Variants in CPLX4 observed in about 807,000 individuals in gnomAD.
CPLX4 encodes the protein complexin-4.
A neutral mutation model predicts 16.1 loss-of-function variants in CPLX4; 17 were observed. The observed-to-expected ratio is 1.06, with a 90% CI of 0.72 to 1.59. CPLX4 has a LOEUF of 1.59. CPLX4 is among the 40% of genes most tolerant of loss of function. The pLI, the probability that CPLX4 is intolerant of heterozygous loss-of-function variation, is 0.00. For missense variants in CPLX4, 193 were observed against 192.9 expected (o/e 1.00, Z 0.00); for synonymous variants, 55 against 57.8 (o/e 0.95, Z 0.22).
At chr18:59,314,353 T>C (rs897790269) in intron 1 of CPLX4, among the ~76,000 whole-genome samples, 1 of 152,232 alleles carries the variant, frequency 6.6e-6, no homozygotes, top group Non-Finnish European at 1.5e-5. Context: ...ACTGTACTTT[T>C]TTTTTTATCA....
intron 2 of CPLX4, among the ~76,000 whole-genome samples, chr18:59,303,731 A>C (rs759367439): frequency 6.6e-6 from 1 of 152,202 alleles, no homozygotes; most frequent in African/African-American, 2.4e-5. Context: ...GTGGCCAAGC[A>C]ACACGTCTTG....
chr18:59,314,100 C>T (rs1216831787), intron 1 of CPLX4, among the ~76,000 whole-genome samples: 1 of 152,184 alleles, frequency 6.6e-6, no homozygotes, highest in Non-Finnish European at 1.5e-5. Context: ...CAGGTGCTCT[C>T]TGAACTCATT....
chr18:59,301,496 CT>C (rs780390132), intron 2 of CPLX4, among the ~76,000 whole-genome samples: 7 of 152,214 alleles, frequency 4.6e-5, no homozygotes, highest in Non-Finnish European at 8.8e-5. Flanking sequence ...TGATTCTAGT[CT>C]TGAAGCCAAT....
intron 2 of CPLX4, among the ~76,000 whole-genome samples, chr18:59,308,415 G>A (rs1476045687): frequency 6.6e-6 from 1 of 152,066 alleles, no homozygotes; most frequent in Non-Finnish European, 1.5e-5. Context: ...GTTATGCCAT[G>A]GGAGGATAGA....
intron 2 of CPLX4, among the ~76,000 whole-genome samples, chr18:59,306,779 G>T (rs969251711): frequency 6.6e-6 from 1 of 152,208 alleles, no homozygotes; most frequent in Admixed American, 6.5e-5. Context: ...CAGGGGAAGG[G>T]TCTAGAACTG....
At chr18:59,316,343 T>A (rs1439286903) in intron 1 of CPLX4, among the ~76,000 whole-genome samples, 1 of 152,232 alleles carries the variant, frequency 6.6e-6, no homozygotes, top group Non-Finnish European at 1.5e-5. Context: ...AATAGTTTTT[T>A]ATTTATAATT....
chr18:59,316,783 C>T (rs1217596249), intron 1 of CPLX4, among the ~76,000 whole-genome samples: 1 of 152,150 alleles, frequency 6.6e-6, no homozygotes, highest in Non-Finnish European at 1.5e-5. Context: ...GATGCCTTAT[C>T]TGCAATCGGA....
At chr18:59,307,860 C>T (rs1440971383) in intron 2 of CPLX4, among the ~76,000 whole-genome samples, 1 of 151,108 alleles carries the variant, frequency 6.6e-6, no homozygotes, top group Non-Finnish European at 1.5e-5. Flanking sequence ...CCAGCAATTC[C>T]CCTGCCTTAG....
chr18:59,315,288 C>G (rs1232386955), intron 1 of CPLX4, among the ~76,000 whole-genome samples: 1 of 152,178 alleles, frequency 6.6e-6, no homozygotes, highest in Non-Finnish European at 1.5e-5. Flanking sequence ...TATTAAGCAG[C>G]TTTTCATGTA....
Position 59,318,293 on chromosome 18 carries a change from C to T in CPLX4, c.167+3G>A. On this transcript the variant is annotated splice_donor_region_variant and intron_variant, in intron 1 of 2. Transcript: ENST00000299721. ...TAAGGGAAATGAAATAGCATGTACT[C>T]ACTTCTCCTCAATCATTTGCTTTTG... The T allele has an allele frequency of 1.2e-6, 2 of 1,603,374 alleles. No homozygotes were observed. The highest frequency in any genetic ancestry group is 1.7e-6 in the Non-Finnish European group (2 of 1,175,328).
chr18:59,316,798 C>T (rs984435953), intron 1 of CPLX4, among the ~76,000 whole-genome samples: 1 of 152,114 alleles, frequency 6.6e-6, no homozygotes, highest in Non-Finnish European at 1.5e-5. Flanking sequence ...ATCGGATCTG[C>T]TGCTTGAACA....
At chr18:59,300,249 C>T (rs1391375178) in intron 2 of CPLX4, among the ~76,000 whole-genome samples, 1 of 152,206 alleles carries the variant, frequency 6.6e-6, no homozygotes, top group Non-Finnish European at 1.5e-5. Flanking sequence ...AGGAGAATCA[C>T]TTGAACCTGG....
intron 2 of CPLX4, among the ~76,000 whole-genome samples, chr18:59,299,909 G>A (rs2144179014): frequency 6.6e-6 from 1 of 152,298 alleles, no homozygotes; most frequent in South Asian, 2.1e-4. Flanking sequence ...AGTCTTCCAG[G>A]TGATTCTGGG....
At chr18:59,308,408 A>T (rs1353312841) in intron 2 of CPLX4, among the ~76,000 whole-genome samples, 2 of 151,578 alleles carry the variant, frequency 1.3e-5, no homozygotes, top group Non-Finnish European at 1.5e-5. Flanking sequence ...CTCTCCCGTT[A>T]TGCCATGGGA....
intron 2 of CPLX4, among the ~76,000 whole-genome samples, 165 bp downstream of exon 2, chr18:59,312,520 A>G (rs1240468462): frequency 6.8e-6 from 1 of 146,972 alleles, no homozygotes; most frequent in African/African-American, 2.5e-5. Context: ...TATATCCTGA[A>G]TATGTATATA....
At chr18:59,311,045 G>A (rs955486173) in intron 2 of CPLX4, among the ~76,000 whole-genome samples, 1 of 151,620 alleles carries the variant, frequency 6.6e-6, no homozygotes, top group African/African-American at 2.4e-5. Context: ...GATGGCCCAA[G>A]AGCAGAGGCC....
At chr18:59,305,562 C>T (rs2070571163) in intron 2 of CPLX4, among the ~76,000 whole-genome samples, 1 of 152,074 alleles carries the variant, frequency 6.6e-6, no homozygotes, top group South Asian at 2.1e-4. Context: ...TGGTAGCCAG[C>T]CTGGGAGATG....
At chr18:59,303,338 C>A (rs2070554714) in intron 2 of CPLX4, among the ~76,000 whole-genome samples, 1 of 152,156 alleles carries the variant, frequency 6.6e-6, no homozygotes, top group South Asian at 2.1e-4. Context: ...ATGAGAATTT[C>A]TAGATACCAG....
intron 1 of CPLX4, among the ~76,000 whole-genome samples, chr18:59,317,603 C>T (rs2070659238): frequency 6.6e-6 from 1 of 152,068 alleles, no homozygotes. Context: ...CTGTAATTTA[C>T]TTTAAAAGCT....
Sources: gnomAD v4.1 joint callset for allele counts (sites outside exome capture counted in the v4.1 genomes callset) on GRCh38, gnomAD v4.1.1 for gene constraint, MANE v1.5 for transcripts, NCBI Gene and HGNC (gene_info 2026-07-23, HGNC 2026-07-21) for gene names.